The following DNAH3 variants were observed in gnomAD, a reference collection of about 807,000 sequenced individuals.
The protein encoded by DNAH3 is dynein axonemal heavy chain 3.
In DNAH3, 332 loss-of-function variants were observed where a neutral mutation model predicts 432.5. The ratio of observed to expected loss-of-function variants is 0.77; its 90% CI spans 0.70 to 0.84. The LOEUF is 0.84. Among genes scored for constraint, DNAH3 ranks in the 40% least tolerant of loss-of-function variants. The pLI, the probability that DNAH3 is intolerant of heterozygous loss-of-function variation, is 0.00. For synonymous variants in DNAH3, 1,956 were observed against 1,900.2 expected (o/e 1.03, Z -0.76); for missense variants, 4,861 against 5,114.0 (o/e 0.95, Z 1.51).
intron 20 of DNAH3, among the ~76,000 whole-genome samples, chr16:21,077,971 A>T (rs1171023583): frequency 6.6e-6 from 1 of 151,964 alleles, no homozygotes; most frequent in Non-Finnish European, 1.5e-5. Flanking sequence ...CCCTTCTCTT[A>T]CTTAGAAAGA....
At chr16:20,933,281 C>T (rs774870350) in exon 62 of DNAH3, 8 of 1,614,000 alleles carry the variant, frequency 5.0e-6, no homozygotes, top group African/African-American at 2.7e-5. Flanking sequence ...GGTTCCTCTG[C>T]GGGCACTTGT....
intron 25 of DNAH3, 132 bp downstream of exon 25, chr16:21,062,350 A>G (rs2090388138): frequency 1.5e-6 from 1 of 689,366 alleles, no homozygotes; most frequent in South Asian, 1.9e-5. Flanking sequence ...CCAAATCTTC[A>G]GTCGTTACAT....
chr16:20,991,510 C>T (rs1044207633), intron 44 of DNAH3, among the ~76,000 whole-genome samples: 6 of 152,106 alleles, frequency 3.9e-5, no homozygotes, highest in African/African-American at 9.7e-5. Context: ...GTGATTCACC[C>T]GCCTCGGCCT....
intron 24 of DNAH3, among the ~76,000 whole-genome samples, chr16:21,064,431 A>G (rs2090469873): frequency 6.6e-6 from 1 of 152,228 alleles, no homozygotes; most frequent in Non-Finnish European, 1.5e-5. Flanking sequence ...ATTCTGAGCT[A>G]AACTGATCAT....
In DNAH3 at chr16:20,959,527, T is replaced by C. The variant is rs2084718579; in HGVS notation, c.10601-123A>G. 3.1e-6 allele frequency: 3 copies of C among 961,136 alleles called. 1 individual carries two copies. Among genetic ancestry groups the C allele is most frequent in the South Asian group, 3.2e-5 (2 of 62,176 alleles). The allele number at this position is 961,136 out of a possible 1,614,324, so 59.5% of individuals were successfully genotyped here. A position where few individuals can be genotyped will look rare whatever the true frequency, so the allele number is the denominator to read the frequency against. On this transcript the variant is annotated intron_variant, in intron 53 of 61. Transcript: ENST00000261383. ...GCTCACACCTGTAATCCCAACACTT[T>C]GGGAGGCCGAGGTGGGAGGATCACT...
intron 20 of DNAH3, among the ~76,000 whole-genome samples, chr16:21,079,191 A>T (rs572288649): frequency 6.6e-6 from 1 of 152,336 alleles, no homozygotes; most frequent in Non-Finnish European, 1.5e-5. Flanking sequence ...TCAAATCTTG[A>T]TTCTTTCCTA....
chr16:20,989,867 C>A (rs1287830688), intron 44 of DNAH3, among the ~76,000 whole-genome samples: 1 of 152,250 alleles, frequency 6.6e-6, no homozygotes. Flanking sequence ...AGTACACCCT[C>A]CGCAGCCGCT....
rs2089188956 is a variant in DNAH3, at chr16:21,036,710, C to T, written c.5085+4G>A. 1.2e-6 allele frequency: 2 copies of T among 1,613,776 alleles called. No individual in the cohort carries two copies. Among genetic ancestry groups the T allele is most frequent in the Admixed American group, 1.7e-5 (1 of 59,960 alleles). On this transcript the variant is annotated splice_donor_region_variant and intron_variant, in intron 35 of 61. Transcript: ENST00000261383. ...GGCACATTTATATGGGCTAAGGAAC[C>T]AACCTGGATAATTTTCCCTATAAAC...
chr16:21,062,671 T>C (rs1258287699), exon 25 of DNAH3: 8 of 1,613,096 alleles, frequency 5.0e-6, no homozygotes, highest in African/African-American at 1.3e-5. Context: ...CATCGTTTGA[T>C]AGGAAGAAGA....
exon 18 of DNAH3, chr16:21,097,422 T>C (rs1161154499): frequency 1.9e-6 from 3 of 1,614,026 alleles, no homozygotes; most frequent in Non-Finnish European, 2.5e-6. Context: ...CATAAGGTAC[T>C]TTGTTCTTCA....
chr16:21,056,437 C>G (rs903054801), intron 27 of DNAH3, among the ~76,000 whole-genome samples: 13 of 148,224 alleles, frequency 8.8e-5, no homozygotes, highest in African/African-American at 3.3e-4. Context: ...TCCCTCCCTC[C>G]CTGCCTCCCT....
chr16:21,098,708 G>A lies in DNAH3; in HGVS notation c.2428C>T (p.Arg810Cys), dbSNP rs373910467. ...ATTTCTTCTGTAGTCATCACTTCGCGCTTCCTAAAACTTTCCAGTTCTCTG... is the reference window on the plus strand; with the variant it reads ...ATTTCTTCTGTAGTCATCACTTCGCACTTCCTAAAACTTTCCAGTTCTCTG... The change falls in exon 17 of 62, where the codon CGC (arginine) becomes TGC (cysteine). Residue 810 changes from arginine (R) to cysteine (C), a missense_variant. Transcript: ENST00000261383. 3.8e-5 allele frequency: 62 copies of A among 1,613,764 alleles called. No homozygotes were observed. The highest frequency in any genetic ancestry group is 4.8e-5 in the Non-Finnish European group (57 of 1,179,910).
rs199884045 is a variant in DNAH3, at chr16:20,982,849, C to T, written c.7731G>A (p.Leu2577=). The T allele has an allele frequency of 1.2e-4, 198 of 1,614,144 alleles. 1 individual carries two copies. The Admixed American group carries it at 3.2e-3, about 26-fold the overall frequency. ...AATTGATCAGCGAAGGGAACATCCG[C>T]AGGCGGTTCCTGAAGGCATCCCCTA... The change falls in exon 49 of 62, where the codon CTG becomes CTA. Residue 2577 remains leucine (L), a synonymous_variant. Coordinates refer to ENST00000261383, the Ensembl canonical transcript of DNAH3.
intron 39 of DNAH3, among the ~76,000 whole-genome samples, chr16:21,022,370 C>T (rs916612332): frequency 1.3e-5 from 2 of 152,204 alleles, no homozygotes; most frequent in Non-Finnish European, 2.9e-5. Flanking sequence ...TGGAAATACT[C>T]TGGGTCAGCT....
At chr16:20,953,789 G>C (rs2084427520) in intron 55 of DNAH3, among the ~76,000 whole-genome samples, 1 of 151,190 alleles carries the variant, frequency 6.6e-6, no homozygotes, top group Non-Finnish European at 1.5e-5. Flanking sequence ...TTGTCATCCA[G>C]TTTGGAGTGC....
chr16:21,148,133 G>C (rs531032825), intron 1 of DNAH3, among the ~76,000 whole-genome samples: 1 of 152,196 alleles, frequency 6.6e-6, no homozygotes, highest in East Asian at 1.9e-4. Flanking sequence ...GATGGGGCAG[G>C]GGGCATATGA....
At position 20,969,693 on chromosome 16, in the gene DNAH3, C is replaced by A. The variant is rs931039458; in HGVS notation, c.8458+99G>T. On this transcript the variant is annotated intron_variant, in intron 52 of 61. Coordinates refer to ENST00000261383, the Ensembl canonical transcript of DNAH3. The stretch of plus-strand genomic sequence containing the variant: ...AATTCCTCCAAACTCAGTGATCTTG[C>A]CTGCACGCCTGCAGTCGACTTGGGG... The A allele has an allele frequency of 1.7e-5, 23 of 1,329,532 alleles. No homozygotes were observed. In the Admixed American group the frequency reaches 3.9e-4, roughly 23 times the overall value. The allele number at this position is 1,329,532 out of a possible 1,614,324, so 82.4% of individuals were successfully genotyped here.
At chr16:21,043,226 A>G (rs1472701632) in intron 31 of DNAH3, among the ~76,000 whole-genome samples, 2 of 151,106 alleles carry the variant, frequency 1.3e-5, no homozygotes, top group Non-Finnish European at 3.0e-5. Flanking sequence ...TTCCAGTTCT[A>G]GATCCCTGAG....
chr16:21,155,958 G>A (rs1456006409), intron 1 of DNAH3, among the ~76,000 whole-genome samples: 1 of 152,110 alleles, frequency 6.6e-6, no homozygotes, highest in East Asian at 1.9e-4. Flanking sequence ...ATCCTTGGAG[G>A]CTACTATAGC....
Sources: gnomAD v4.1 joint callset for allele counts (sites outside exome capture counted in the v4.1 genomes callset) on GRCh38, gnomAD v4.1.1 for gene constraint, MANE v1.5 for transcripts, NCBI Gene and HGNC (gene_info 2026-07-23, HGNC 2026-07-21) for gene names.